TMEM163: variants seen among roughly 807,000 people sequenced by gnomAD.
TMEM163 encodes transmembrane protein 163.
TMEM163 carries 17 observed loss-of-function variants against 29.3 expected under a neutral mutation model. That is an observed-to-expected ratio of 0.58 (90% CI 0.40 to 0.87). The LOEUF is 0.87. Among genes scored for constraint, TMEM163 ranks in the 40% least tolerant of loss-of-function variants. The pLI is 0.00. For synonymous variants in TMEM163, 157 were observed against 160.6 expected (o/e 0.98, Z 0.17); for missense variants, 303 against 381.5 (o/e 0.79, Z 1.71).
At chr2:134,550,061 CAT>C (rs1465838829) in intron 4 of TMEM163, among the ~76,000 whole-genome samples, 4 of 152,138 alleles carry the variant, frequency 2.6e-5, no homozygotes, top group Non-Finnish European at 5.9e-5. Context: ...TTGGAAAAGA[CAT>C]ATGTTTTAGA....
chr2:134,526,943 T>G (rs1292404582), intron 4 of TMEM163, among the ~76,000 whole-genome samples: 2 of 152,180 alleles, frequency 1.3e-5, no homozygotes, highest in Non-Finnish European at 2.9e-5. Flanking sequence ...CACGGTTCAG[T>G]ATATGCTGTT....
chr2:134,598,284 C>T (rs1166498603), intron 2 of TMEM163, among the ~76,000 whole-genome samples: 1 of 152,188 alleles, frequency 6.6e-6, no homozygotes, highest in Non-Finnish European at 1.5e-5. Flanking sequence ...AATGGTGTCA[C>T]CTGCTTCCAA....
chr2:134,715,777 C>G (rs1685025895), intron 1 of TMEM163, among the ~76,000 whole-genome samples: 1 of 152,174 alleles, frequency 6.6e-6, no homozygotes, highest in African/African-American at 2.4e-5. Context: ...GAAAGCCAGG[C>G]TGAAGAGACA....
chr2:134,607,010 GACAGACCCCGAGAACTGTGCTGGTGAAA>G, intron 2 of TMEM163, among the ~76,000 whole-genome samples: 1 of 144,498 alleles, frequency 6.9e-6, no homozygotes, highest in African/African-American at 2.6e-5. Context: ...TGGTGAAAAG[GACAGACCCCGAGAACTGTGCTGGTGAAA>G]AGGACAGACC....
intron 2 of TMEM163, among the ~76,000 whole-genome samples, chr2:134,659,940 G>T (rs1683710619): frequency 6.6e-6 from 1 of 151,282 alleles, no homozygotes; most frequent in Non-Finnish European, 1.5e-5. Context: ...CCATCTCTGA[G>T]GGAAAAAAAA....
chr2:134,585,973 T>C (rs1243879284), intron 2 of TMEM163, among the ~76,000 whole-genome samples: 3 of 152,210 alleles, frequency 2.0e-5, no homozygotes, highest in South Asian at 2.1e-4. Flanking sequence ...TTTTTGTGCA[T>C]GGACTTAAGA....
At chr2:134,603,681 C>G (rs533259234) in intron 2 of TMEM163, among the ~76,000 whole-genome samples, 50 of 152,280 alleles carry the variant, frequency 3.3e-4, no homozygotes, top group African/African-American at 1.2e-3. Flanking sequence ...ATGTTGTATC[C>G]TGCCTGGCAG....
chr2:134,543,663 C>T (rs762044024), intron 4 of TMEM163, among the ~76,000 whole-genome samples: 1 of 152,200 alleles, frequency 6.6e-6, no homozygotes, highest in Non-Finnish European at 1.5e-5. Context: ...TTTCCAAAAG[C>T]AGCAAGGGTG....
At chr2:134,530,567 G>A (rs491758) in intron 4 of TMEM163, among the ~76,000 whole-genome samples, 47,731 of 151,954 alleles carry the variant, frequency 0.31, 8,314 homozygotes, top group East Asian at 0.56. Context: ...ATGAGTCACT[G>A]TGCCAGGCCT....
rs879760310 is a variant in TMEM163 at position 134,581,308 on chromosome 2, AT to A, written c.323-29218del. ...CTCCTTTCCCTTAAAAGGCCAACTA[AT>A]TTTTTTTTAATTAACTAGAATATAC... On this transcript the variant is annotated intron_variant, in intron 2 of 7. Coordinates refer to ENST00000281924, the MANE Select transcript of TMEM163 (RefSeq NM_030923.5). 1.9e-3 allele frequency among the ~76,000 whole-genome samples: 291 copies of A among 151,842 alleles called. 1 individual carries two copies. Among genetic ancestry groups the A allele is most frequent in the African/African-American group, 6.3e-3 (259 of 41,432 alleles).
chr2:134,709,141 CTTCTG>C (rs1684875209), intron 2 of TMEM163, among the ~76,000 whole-genome samples: 2 of 152,182 alleles, frequency 1.3e-5, no homozygotes, highest in African/African-American at 4.8e-5. Context: ...TGAAACAGAA[CTTCTG>C]TTCTCTTTCT....
In TMEM163 at chr2:134,603,920, AG is replaced by A. The variant is rs377683084; in HGVS notation, c.323-51830del. On this transcript the variant is annotated intron_variant, in intron 2 of 7. Transcript: ENST00000281924. The stretch of plus-strand genomic sequence containing the variant: ...GAAGGGAGAGAGAAGGAAGCGAGGA[AG>A]GAAGCTTTCTTTCCACTTTTGGACA... Among the ~76,000 whole-genome samples the A allele has an allele frequency of 3.2e-3, 492 of 151,968 alleles. 2 individuals carry two copies. Among genetic ancestry groups the A allele is most frequent in the African/African-American group, 0.011 (462 of 41,406 alleles).
At chr2:134,522,875 G>A (rs918998822) in intron 4 of TMEM163, among the ~76,000 whole-genome samples, 4 of 152,294 alleles carry the variant, frequency 2.6e-5, no homozygotes, top group African/African-American at 9.6e-5. Context: ...GAAAAAGATC[G>A]AATCCCTTGC....
chr2:134,678,701 C>A (rs1684170630), intron 2 of TMEM163, among the ~76,000 whole-genome samples: 1 of 152,200 alleles, frequency 6.6e-6, no homozygotes, highest in South Asian at 2.1e-4. Flanking sequence ...GACTGGGCTG[C>A]AAGTACCAAA....
At chr2:134,539,307 GA>G (rs200988971) in intron 4 of TMEM163, among the ~76,000 whole-genome samples, 1 of 152,132 alleles carries the variant, frequency 6.6e-6, no homozygotes, top group Non-Finnish European at 1.5e-5. Context: ...GAGATGGGGA[GA>G]AAAAAAGTCA....
At chr2:134,638,810 G>A (rs1186696700) in intron 2 of TMEM163, among the ~76,000 whole-genome samples, 3 of 152,330 alleles carry the variant, frequency 2.0e-5, no homozygotes, top group Middle Eastern at 3.4e-3. Flanking sequence ...CCCTCACCAC[G>A]GGAGATGCTG....
intron 4 of TMEM163, among the ~76,000 whole-genome samples, chr2:134,511,464 A>G (rs1429411172): frequency 1.3e-5 from 2 of 152,250 alleles, no homozygotes; most frequent in Admixed American, 1.3e-4. Flanking sequence ...CCTGACTCAC[A>G]TTCAAAAAGG....
intron 6 of TMEM163, among the ~76,000 whole-genome samples, chr2:134,461,690 C>A (rs1304519615): frequency 6.6e-6 from 1 of 152,220 alleles, no homozygotes; most frequent in African/African-American, 2.4e-5. Context: ...ATCGGCCACA[C>A]CCTGCTGTCC....
intron 4 of TMEM163, among the ~76,000 whole-genome samples, chr2:134,510,229 G>A: frequency 6.6e-6 from 1 of 152,122 alleles, no homozygotes; most frequent in East Asian, 1.9e-4. Context: ...TTGTTGCTTA[G>A]GGAAAAAATG....
Sources: allele counts gnomAD v4.1 joint callset (sites outside exome capture counted in the v4.1 genomes callset), GRCh38; gene constraint gnomAD v4.1.1; transcripts MANE v1.5; gene names NCBI Gene and HGNC (gene_info 2026-07-23, HGNC 2026-07-21).